The following ADAMTSL1 variants were observed in gnomAD, a reference collection of about 807,000 sequenced individuals.
ADAMTSL1 encodes the protein ADAMTS like 1.
In ADAMTSL1, 126 loss-of-function variants were observed where a neutral mutation model predicts 201.8. That is an observed-to-expected ratio of 0.62 (90% CI 0.54 to 0.72). The LOEUF (loss-of-function observed/expected upper bound fraction) is 0.72. ADAMTSL1 is among the 30% of genes least tolerant of loss of function. The pLI, the probability that ADAMTSL1 is intolerant of heterozygous loss-of-function variation, is 0.00. For missense variants in ADAMTSL1, 2,679 were observed against 2,277.8 expected, an observed-to-expected ratio of 1.18 and a Z score of -3.59; for synonymous variants, 1,121 against 903.4, an observed-to-expected ratio of 1.24 and a Z score of -4.32.
chr9:18,469,046 T>G (rs1452536359), intron 2 of ADAMTSL1, among the ~76,000 whole-genome samples: 1 of 152,242 alleles, frequency 6.6e-6, no homozygotes, highest in Non-Finnish European at 1.5e-5. Context: ...AGCAGGAGTC[T>G]TACCTTTCTC....
chr9:18,321,380 C>T (rs1430306185), intron 2 of ADAMTSL1, among the ~76,000 whole-genome samples: 2 of 152,174 alleles, frequency 1.3e-5, no homozygotes, highest in African/African-American at 2.4e-5. Flanking sequence ...AATGCTCTTT[C>T]TTAGTGTTTG....
chr9:18,150,488 A>T (rs1826859580), intron 1 of ADAMTSL1, among the ~76,000 whole-genome samples: 1 of 152,102 alleles, frequency 6.6e-6, no homozygotes, highest in Non-Finnish European at 1.5e-5. Flanking sequence ...ATCAAAAGTC[A>T]GAGTTTCTGT....
chr9:18,726,797 T>C (rs1817920778), intron 15 of ADAMTSL1, among the ~76,000 whole-genome samples: 1 of 152,180 alleles, frequency 6.6e-6, no homozygotes, highest in African/African-American at 2.4e-5. Context: ...AACTTTTATT[T>C]CTGTGCAACA....
intron 2 of ADAMTSL1, among the ~76,000 whole-genome samples, chr9:18,269,690 A>T (rs1022643938): frequency 5.9e-5 from 9 of 152,048 alleles, no homozygotes; most frequent in African/African-American, 1.9e-4. Context: ...ATAAAAGGCC[A>T]TTTCCTTGGA....
intron 1 of ADAMTSL1, among the ~76,000 whole-genome samples, chr9:18,489,677 T>C (rs182485196): frequency 1.8e-4 from 27 of 152,346 alleles, no homozygotes; most frequent in African/African-American, 4.8e-4. Flanking sequence ...TTTTATTTTC[T>C]TTATTTTTCT....
intron 15 of ADAMTSL1, chr9:18,722,998 C>T (rs769516597): frequency 1.3e-6 from 1 of 778,098 alleles, no homozygotes; most frequent in Non-Finnish European, 2.4e-6. Flanking sequence ...TATTTGACTA[C>T]AGTCCTGTCA....
rs538054864 is a variant in ADAMTSL1, at chr9:18,060,944, C to T, written c.88-102918C>T. Among the ~76,000 whole-genome samples the T allele has an allele frequency of 5.3e-5, 8 of 152,264 alleles. No individual in the cohort carries two copies. The East Asian group carries it at 1.5e-3, about 29-fold the overall frequency. On this transcript the variant is annotated intron_variant, in intron 1 of 29. Coordinates refer to the ADAMTSL1 transcript ENST00000680146. ...CTTTATCACAGAAATTAAACAGGTA[C>T]TATGTCATATAACTAGAAAAGTAAC...
At chr9:18,655,550 G>A (rs1036060455) in intron 7 of ADAMTSL1, among the ~76,000 whole-genome samples, 1 of 151,886 alleles carries the variant, frequency 6.6e-6, no homozygotes, top group African/African-American at 2.4e-5. Context: ...CCTCACATTG[G>A]CTGTAAGAAG....
chr9:18,236,505 A>G (rs536826255), intron 2 of ADAMTSL1, among the ~76,000 whole-genome samples: 1 of 152,258 alleles, frequency 6.6e-6, no homozygotes, highest in Non-Finnish European at 1.5e-5. Flanking sequence ...AAGCTGTTTC[A>G]TCTGCAGTAG....
chr9:18,537,190 A>T (rs115800161), intron 3 of ADAMTSL1, among the ~76,000 whole-genome samples: 78 of 152,352 alleles, frequency 5.1e-4, no homozygotes, highest in African/African-American at 1.8e-3. Flanking sequence ...CTAATGGAGA[A>T]AAAGAGATTA....
At chr9:18,112,436 C>T (rs1825064203) in intron 1 of ADAMTSL1, among the ~76,000 whole-genome samples, 1 of 151,828 alleles carries the variant, frequency 6.6e-6, no homozygotes, top group Non-Finnish European at 1.5e-5. Flanking sequence ...GGGGCTGAGA[C>T]TCAGTTGCCC....
At chr9:18,666,337 A>G (rs1034430000) in intron 9 of ADAMTSL1, among the ~76,000 whole-genome samples, 1 of 152,190 alleles carries the variant, frequency 6.6e-6, no homozygotes, top group African/African-American at 2.4e-5. Context: ...TAAAGATTTA[A>G]TGACTTTTAG....
At chr9:18,000,810 T>A (rs756473322) in intron 1 of ADAMTSL1, among the ~76,000 whole-genome samples, 2 of 152,066 alleles carry the variant, frequency 1.3e-5, no homozygotes, top group African/African-American at 2.4e-5. Flanking sequence ...CCAGAGCGGC[T>A]CAGGTGAATC....
Position 18,681,955 on chromosome 9 carries a change from C to T in ADAMTSL1, c.1485C>T (p.Pro495=). The T allele has an allele frequency of 6.2e-7, 1 of 1,614,004 alleles. No homozygotes were observed. The highest frequency in any genetic ancestry group is 2.2e-5 in the East Asian group (1 of 44,884). Residue 495 remains proline (P), a synonymous_variant, in exon 12 of 29, where the codon CCC becomes CCT. Transcript: ENST00000380548. The part of the protein sequence containing the change: ...ECIVPTPCYK[P]KEKLPVEAKL... ...TCGTACCCACTCCCTGCTATAAACCCAAAGGTAACTTGACAGGTGCTCTAT... is the reference window on the plus strand; with the variant it reads ...TCGTACCCACTCCCTGCTATAAACCTAAAGGTAACTTGACAGGTGCTCTAT...
At chr9:18,375,392 G>T (rs111571517) in intron 2 of ADAMTSL1, among the ~76,000 whole-genome samples, 74 of 151,992 alleles carry the variant, frequency 4.9e-4, no homozygotes, top group Non-Finnish European at 8.7e-4. Flanking sequence ...TGTGCACAAC[G>T]TTCAGGTTTT....
intron 4 of ADAMTSL1, among the ~76,000 whole-genome samples, chr9:18,619,110 C>CA (rs1211079912): frequency 1.3e-5 from 2 of 151,888 alleles, no homozygotes; most frequent in African/African-American, 2.4e-5. Context: ...GTATTCTAGG[C>CA]AAAAAATAAT....
intron 1 of ADAMTSL1, among the ~76,000 whole-genome samples, chr9:18,490,439 A>T (rs1233416048): frequency 6.6e-6 from 1 of 152,178 alleles, no homozygotes; most frequent in Non-Finnish European, 1.5e-5. Context: ...CTAGGGGGAA[A>T]GACTGCTAAA....
At chr9:18,109,626 G>T (rs190050811) in intron 1 of ADAMTSL1, among the ~76,000 whole-genome samples, 15 of 152,222 alleles carry the variant, frequency 9.9e-5, no homozygotes, top group African/African-American at 3.6e-4. Context: ...GAGTCATCCT[G>T]GGACAAACAG....
At chr9:18,419,336 A>G (rs1202519470) in intron 2 of ADAMTSL1, among the ~76,000 whole-genome samples, 2 of 152,160 alleles carry the variant, frequency 1.3e-5, no homozygotes, top group African/African-American at 4.8e-5. Flanking sequence ...CAGAAAATAA[A>G]AGATTGGTAA....
Sources: gnomAD v4.1 joint callset for allele counts (sites outside exome capture counted in the v4.1 genomes callset) on GRCh38, gnomAD v4.1.1 for gene constraint, MANE v1.5 for transcripts, NCBI Gene and HGNC (gene_info 2026-07-23, HGNC 2026-07-21) for gene names.